Variants in TCF12 observed in about 807,000 individuals in gnomAD.
TCF12 encodes the protein transcription factor 12.
In TCF12, 45 loss-of-function variants were observed where a neutral mutation model predicts 86.0. The ratio of observed to expected loss-of-function variants is 0.52; its 90% CI spans 0.41 to 0.67. The LOEUF (loss-of-function observed/expected upper bound fraction) is 0.67, where lower values mean the gene tolerates loss of function less well. TCF12 is among the 30% of genes least tolerant of loss of function. The pLI is 0.00. For synonymous variants in TCF12, 330 were observed against 299.6 expected, an observed-to-expected ratio of 1.10 and a Z score of -1.05; for missense variants, 881 against 859.9, an observed-to-expected ratio of 1.02 and a Z score of -0.31.
chr15:57,130,767 TACAC>T (rs1290088049), intron 5 of TCF12, among the ~76,000 whole-genome samples: 2 of 152,244 alleles, frequency 1.3e-5, no homozygotes, highest in African/African-American at 2.4e-5. Context: ...CTTGTTGTGT[TACAC>T]ACGTTGCTAA....
At chr15:57,193,789 G>A (rs1186270351) in intron 7 of TCF12, among the ~76,000 whole-genome samples, 2 of 152,150 alleles carry the variant, frequency 1.3e-5, no homozygotes, top group African/African-American at 4.8e-5. Context: ...CACTATGATA[G>A]ATCATCATAT....
intron 6 of TCF12, among the ~76,000 whole-genome samples, chr15:57,172,817 A>G (rs1206171546): frequency 6.6e-6 from 1 of 152,122 alleles, no homozygotes; most frequent in East Asian, 1.9e-4. Flanking sequence ...AGAAGTCAGT[A>G]AGACTAGGTG....
chr15:57,290,814 ACT>A (rs1425729669), downstream of TCF12: 1 of 151,970 alleles, frequency 6.6e-6, no homozygotes, highest in Non-Finnish European at 1.5e-5. Flanking sequence ...ACAGCTAACC[ACT>A]CTTTCCCAAC....
chr15:56,947,012 G>A (rs551074724), intron 3 of TCF12, among the ~76,000 whole-genome samples: 1 of 151,990 alleles, frequency 6.6e-6, no homozygotes, highest in Non-Finnish European at 1.5e-5. Context: ...TGGCTAGGCT[G>A]GTCTTGAACT....
intron 6 of TCF12, among the ~76,000 whole-genome samples, chr15:57,168,960 C>T (rs191881430): frequency 1.5e-4 from 23 of 152,132 alleles, no homozygotes; most frequent in Admixed American, 1.1e-3. Flanking sequence ...GCAGGAGAAT[C>T]GCTGGAACCC....
intron 18 of TCF12, among the ~76,000 whole-genome samples, chr15:57,268,707 TCTCC>T (rs1231225264): frequency 3.9e-5 from 6 of 152,170 alleles, no homozygotes; most frequent in African/African-American, 1.4e-4. Context: ...TTACAGAGCA[TCTCC>T]CTCATATGTT....
At chr15:57,115,450 A>C (rs1387602623) in intron 5 of TCF12, among the ~76,000 whole-genome samples, 1 of 152,164 alleles carries the variant, frequency 6.6e-6, no homozygotes, top group South Asian at 2.1e-4. Flanking sequence ...AACAACTATT[A>C]TTACCTGCAT....
chr15:57,111,586 CTTTTTTTTTT>C lies in TCF12; in HGVS notation c.325+19709_325+19718del, dbSNP rs1166862090. ...GAATAGGTAGGTTTGGTTTGTTTAT[CTTTTTTTTTT>C]TTTTTTTTTTTTTAAGATAGGGTCT... On this transcript the variant is annotated intron_variant, in intron 5 of 20. Coordinates refer to ENST00000333725, the MANE Select transcript of TCF12 (RefSeq NM_207037.2). Among the ~76,000 whole-genome samples the C allele has an allele frequency of 2.3e-4, 26 of 115,456 alleles. No homozygotes were observed. The East Asian group carries it at 5.9e-3, about 26-fold the overall frequency. The allele number at this position is 115,456 out of a possible 152,430, so 75.7% of individuals were successfully genotyped here.
At chr15:57,118,672 C>G (rs933707114) in intron 5 of TCF12, among the ~76,000 whole-genome samples, 5 of 152,126 alleles carry the variant, frequency 3.3e-5, no homozygotes, top group Non-Finnish European at 7.4e-5. Flanking sequence ...CTTCTTCAGA[C>G]CTACTTGTCT....
chr15:57,092,977 C>T (rs146114826), intron 5 of TCF12, among the ~76,000 whole-genome samples: 10 of 152,046 alleles, frequency 6.6e-5, no homozygotes, highest in African/African-American at 1.9e-4. Flanking sequence ...TCTATAGTGT[C>T]GAGGAGACAG....
intron 4 of TCF12, among the ~76,000 whole-genome samples, chr15:57,072,919 C>A (rs1215756493): frequency 1.3e-5 from 2 of 152,114 alleles, no homozygotes; most frequent in African/African-American, 2.4e-5. Flanking sequence ...AAATTATAAC[C>A]TAAATGTTTT....
intron 16 of TCF12, among the ~76,000 whole-genome samples, chr15:57,254,605 A>G (rs2060260114): frequency 6.6e-6 from 1 of 152,162 alleles, no homozygotes; most frequent in African/African-American, 2.4e-5. Flanking sequence ...TCACACCTGT[A>G]ATCTCAGCAC....
chr15:57,131,115 G>A (rs1275760560), intron 5 of TCF12, among the ~76,000 whole-genome samples: 1 of 152,108 alleles, frequency 6.6e-6, no homozygotes, highest in Non-Finnish European at 1.5e-5. Flanking sequence ...GGGGCAAAAG[G>A]TTCAAACGTA....
intron 5 of TCF12, among the ~76,000 whole-genome samples, chr15:57,127,882 T>A (rs2051789235): frequency 6.6e-6 from 1 of 152,218 alleles, no homozygotes; most frequent in Non-Finnish European, 1.5e-5. Context: ...ATTTTTTGCT[T>A]GTTTGTTTTA....
At chr15:56,972,330 A>G (rs1440560403) in intron 3 of TCF12, among the ~76,000 whole-genome samples, 1 of 152,246 alleles carries the variant, frequency 6.6e-6, no homozygotes, top group Non-Finnish European at 1.5e-5. Context: ...CAATAAAATA[A>G]TATGTATTAT....
Position 57,232,830 on chromosome 15 carries a change from C to A in TCF12, c.944C>A (p.Pro315His), listed in dbSNP as rs1304284908. The A allele has an allele frequency of 1.2e-6, 2 of 1,606,342 alleles. No individual in the cohort carries two copies. The highest frequency in any genetic ancestry group is 4.5e-5 in the East Asian group (2 of 44,288). The change falls in exon 11 of 21, where the codon CCC (proline) becomes CAC (histidine). Residue 315 changes from proline to histidine, a missense_variant. Pro to His is a moderately conservative substitution (Grantham distance 77). Coordinates refer to ENST00000333725, the MANE Select transcript of TCF12 (RefSeq NM_207037.2). Reference protein sequence around the residue: ...SPYVAASHTPPINGSDSILGT... With the variant: ...SPYVAASHTPHINGSDSILGT... ...TACGTTGCTGCCTCACACACTCCTCCCATCAATGGATCAGACAGCATTCTA... is the reference window on the plus strand; with the variant it reads ...TACGTTGCTGCCTCACACACTCCTCACATCAATGGATCAGACAGCATTCTA...
Position 57,047,401 on chromosome 15 carries a change from A to G in TCF12, c.149-16349A>G, listed in dbSNP as rs1360029193. Among the ~76,000 whole-genome samples, 3 of 152,336 alleles carry G rather than the reference A, an allele frequency of 2.0e-5. No individual in the cohort carries two copies. In the East Asian group the frequency reaches 5.8e-4, roughly 29 times the overall value. On this transcript the variant is annotated intron_variant, in intron 3 of 20. Coordinates refer to ENST00000333725, the MANE Select transcript of TCF12 (RefSeq NM_207037.2). The stretch of plus-strand genomic sequence containing the variant: ...CTATTGCTATCTTGATTACCAGCTT[A>G]CTTTGAGAAAGATTGAACAAGATAA...
At chr15:57,200,328 T>C (rs2057477939) in intron 8 of TCF12, among the ~76,000 whole-genome samples, 1 of 152,168 alleles carries the variant, frequency 6.6e-6, no homozygotes, top group African/African-American at 2.4e-5. Flanking sequence ...GGTTATACTG[T>C]TTACCTTCTC....
intron 6 of TCF12, among the ~76,000 whole-genome samples, chr15:57,184,594 A>G (rs1210559727): frequency 2.6e-5 from 4 of 152,196 alleles, no homozygotes; most frequent in Non-Finnish European, 5.9e-5. Flanking sequence ...TGAGCAGGAA[A>G]AATCCTGTTG....
Sources: allele counts gnomAD v4.1 joint callset (sites outside exome capture counted in the v4.1 genomes callset), GRCh38; gene constraint gnomAD v4.1.1; transcripts MANE v1.5; gene names NCBI Gene and HGNC (gene_info 2026-07-23, HGNC 2026-07-21).